TANC2: variants seen among roughly 807,000 people sequenced by gnomAD.
TANC2 encodes protein TANC2.
Under a neutral mutation model 210.5 loss-of-function variants are expected in TANC2, and 26 were observed. The ratio of observed to expected loss-of-function variants is 0.12; its 90% confidence interval spans 0.09 to 0.17. The LOEUF (loss-of-function observed/expected upper bound fraction) is 0.17. TANC2 is among the 10% of genes least tolerant of loss of function. TANC2 has a pLI of 1.00. For synonymous variants in TANC2, 931 were observed against 967.1 expected (o/e 0.96, Z 0.69); for missense variants, 2,129 against 2,608.9 (o/e 0.82, Z 4.01).
In TANC2 at chr17:63,412,447, C is replaced by T. The variant is rs117477157; in HGVS notation, c.3899-233C>T. On this transcript the variant is annotated intron_variant, in intron 23 of 27. Transcript: ENST00000689528. This position sits in a 1 kb window ranked among gnomAD's most constrained non-coding sequence, Gnocchi z 4.2. ...ACTCTATCAGCATCCTGGATCTCTG[C>T]GCTGCCGTGAGCCTTTGCTTTCCCT... Among the ~76,000 whole-genome samples the T allele has an allele frequency of 2.0e-4, 30 of 152,290 alleles. No homozygotes were observed. The highest frequency in any genetic ancestry group is 3.8e-4 in the Non-Finnish European group (26 of 68,020).
At chr17:63,009,704 A>G (rs2033780800) in intron 2 of TANC2, 78 bp downstream of exon 2, 2 of 1,231,134 alleles carry the variant, frequency 1.6e-6, no homozygotes, top group Non-Finnish European at 2.4e-6. Context: ...TTAATGCTGT[A>G]ACACTTTATT....
At chr17:63,046,051 A>C (rs72843173) in intron 2 of TANC2, among the ~76,000 whole-genome samples, 6,439 of 152,224 alleles carry the variant, frequency 0.042, 213 homozygotes, top group Non-Finnish European at 0.069. Context: ...TTGGGAGAAA[A>C]ATACAAAATG....
At chr17:63,230,679 A>C (rs1221930884) in intron 7 of TANC2, among the ~76,000 whole-genome samples, 1 of 152,092 alleles carries the variant, frequency 6.6e-6, no homozygotes, top group Non-Finnish European at 1.5e-5. Context: ...GGAGTGTTTG[A>C]CTTCCATTTA....
chr17:63,073,469 G>A (rs2036468919), intron 2 of TANC2, among the ~76,000 whole-genome samples: 1 of 151,972 alleles, frequency 6.6e-6, no homozygotes, highest in Admixed American at 6.6e-5. Context: ...AGCTTTTATT[G>A]ATTTATTTTA....
At chr17:63,331,681 C>T (rs1052815080) in intron 11 of TANC2, among the ~76,000 whole-genome samples, 4 of 152,146 alleles carry the variant, frequency 2.6e-5, no homozygotes, top group African/African-American at 9.7e-5. Context: ...AGGGAAAAGT[C>T]AGTAGCAAAT....
At chr17:63,220,907 A>G (rs1016188698) in intron 7 of TANC2, among the ~76,000 whole-genome samples, 8 of 151,522 alleles carry the variant, frequency 5.3e-5, no homozygotes, top group Non-Finnish European at 1.2e-4. Context: ...TACACAAAAG[A>G]AAAAACAGTT....
intron 2 of TANC2, among the ~76,000 whole-genome samples, chr17:63,013,010 TTTTG>T (rs1221784173): frequency 1.3e-5 from 2 of 152,136 alleles, no homozygotes; most frequent in Non-Finnish European, 2.9e-5. Flanking sequence ...CAAACTTTAC[TTTTG>T]TTTATCTGAA....
intron 7 of TANC2, among the ~76,000 whole-genome samples, chr17:63,220,730 ATATATATG>A (rs1445716078): frequency 5.9e-4 from 86 of 144,600 alleles, no homozygotes; most frequent in African/African-American, 2.1e-3. Flanking sequence ...ATATATATAT[ATATATATG>A]TATATATATA....
intron 2 of TANC2, among the ~76,000 whole-genome samples, chr17:63,017,431 T>G (rs1244257027): frequency 1.3e-5 from 2 of 152,264 alleles, no homozygotes; most frequent in African/African-American, 4.8e-5. Flanking sequence ...TTCTTTAGTT[T>G]CATTTTTAAG....
chr17:63,277,400 G>A (rs1030276841), intron 9 of TANC2, among the ~76,000 whole-genome samples: 2 of 151,558 alleles, frequency 1.3e-5, no homozygotes, highest in African/African-American at 4.8e-5. Flanking sequence ...GTATTAAGCC[G>A]AAGACCCATC....
Position 63,420,372 on chromosome 17 carries a change from C to A in TANC2, c.4642C>A (p.Gln1548Lys), listed in dbSNP as rs777104988. Residue 1548 changes from glutamine (Q) to lysine (K), a missense_variant, in exon 28 of 28, where the codon CAG becomes AAG. Around this residue, in one of 5 missense-constraint regions of TANC2, gnomAD observed 584 missense variants for 627.3 expected, o/e 0.93. Transcript: ENST00000689528. This position sits in a 1 kb window ranked among gnomAD's most constrained non-coding sequence, Gnocchi z 4.2. ...CTCCAGCTCACCTCTTGGCTCTCAT[C>A]AGGTTTTTGACTTCCGGTCCAGTAG... is the stretch of plus-strand genomic sequence containing the variant. 2 of 1,613,936 alleles carry A rather than the reference C, an allele frequency of 1.2e-6. No individual in the cohort carries two copies. Among genetic ancestry groups the A allele is most frequent in the African/African-American group, 1.3e-5 (1 of 75,026 alleles).
chr17:63,012,838 G>T (rs1402490715), intron 2 of TANC2, among the ~76,000 whole-genome samples: 1 of 151,904 alleles, frequency 6.6e-6, no homozygotes, highest in African/African-American at 2.4e-5. Context: ...TGTTTTTGTA[G>T]AGATGAGATC....
At chr17:63,417,700 C>T (rs2048906168) in intron 26 of TANC2, among the ~76,000 whole-genome samples, 2 of 152,152 alleles carry the variant, frequency 1.3e-5, no homozygotes, top group South Asian at 4.1e-4. Flanking sequence ...CTTGATCCTA[C>T]CCCCGGGGTA....
intron 22 of TANC2, 103 bp downstream of exon 22, chr17:63,411,789 A>G: frequency 6.8e-7 from 1 of 1,460,678 alleles, no homozygotes; most frequent in Non-Finnish European, 9.2e-7. Context: ...GATTCCTGAT[A>G]CAGAGCTCTC....
In TANC2 at chr17:63,420,869, C is replaced by T. The variant is rs1181582267; in HGVS notation, c.5139C>T (p.Pro1713=). The T allele has an allele frequency of 6.2e-7, 1 of 1,613,998 alleles. No individual in the cohort carries two copies. The highest frequency in any genetic ancestry group is 1.7e-5 in the Admixed American group (1 of 60,026). The change falls in exon 28 of 28, where the codon CCC becomes CCT. Residue 1713 remains proline, a synonymous_variant. Coordinates refer to ENST00000689528, the Ensembl canonical transcript of TANC2. The surrounding 1 kb of genome is among the most constrained non-coding windows in gnomAD (Gnocchi z 4.2). The stretch of plus-strand genomic sequence containing the variant: ...CCGTCCATTCAAGCACCGTCATCCC[C>T]ACAGGAGCCTATGGCCAAGTAGCCC...
chr17:63,134,887 T>C (rs935804541), intron 4 of TANC2, among the ~76,000 whole-genome samples: 1 of 152,200 alleles, frequency 6.6e-6, no homozygotes, highest in Non-Finnish European at 1.5e-5. Context: ...CTGGAAAAGA[T>C]TTTTTTCTTC....
At chr17:63,372,107 A>G (rs1414990927) in intron 14 of TANC2, among the ~76,000 whole-genome samples, 2 of 152,212 alleles carry the variant, frequency 1.3e-5, no homozygotes, top group African/African-American at 4.8e-5. Context: ...TTCTCCTAAA[A>G]TATCTAAAAT....
chr17:63,026,719 G>A (rs191194928), intron 2 of TANC2, among the ~76,000 whole-genome samples: 160 of 152,208 alleles, frequency 1.1e-3, no homozygotes, highest in Admixed American at 7.7e-3. Flanking sequence ...GCTTTCAAAT[G>A]TAATTTATTT....
At chr17:63,417,436 A>G (rs1203218256) in intron 26 of TANC2, among the ~76,000 whole-genome samples, 1 of 151,876 alleles carries the variant, frequency 6.6e-6, no homozygotes, top group Non-Finnish European at 1.5e-5. Flanking sequence ...CCCACCCCCC[A>G]GTCTCTGTTT....
Sources: gnomAD v4.1 joint callset for allele counts (sites outside exome capture counted in the v4.1 genomes callset) on GRCh38, gnomAD v4.1.1 for gene constraint, gnomAD v4.1.1 regional missense constraint, Gnocchi (gnomAD v3.1) non-coding constraint, MANE v1.5 for transcripts, NCBI Gene and HGNC (gene_info 2026-07-23, HGNC 2026-07-21) for gene names.